Variants in FSTL4 observed in about 807,000 individuals in gnomAD.
FSTL4 encodes follistatin-related protein 4.
Under a neutral mutation model 78.2 loss-of-function variants are expected in FSTL4, and 28 were observed. The observed-to-expected ratio is 0.36, with a 90% confidence interval of 0.27 to 0.49. The LOEUF (loss-of-function observed/expected upper bound fraction) is 0.49, where lower values mean the gene tolerates loss of function less well. Ranked by LOEUF, FSTL4 falls within the 20% of genes least tolerant of loss-of-function variation. The pLI is 0.98. For synonymous variants in FSTL4, 422 were observed against 440.5 expected (o/e 0.96, Z 0.53); for missense variants, 922 against 1,084.9 (o/e 0.85, Z 2.11).
At chr5:133,473,915 C>T (rs1350466836) in intron 3 of FSTL4, among the ~76,000 whole-genome samples, 2 of 152,120 alleles carry the variant, frequency 1.3e-5, no homozygotes, top group African/African-American at 2.4e-5. Flanking sequence ...CATGGGGGAG[C>T]TGCCCCCATA....
At chr5:133,480,987 T>C (rs1001870480) in intron 3 of FSTL4, among the ~76,000 whole-genome samples, 1 of 152,072 alleles carries the variant, frequency 6.6e-6, no homozygotes, top group Non-Finnish European at 1.5e-5. Flanking sequence ...GGCCAGCCCA[T>C]GACATAGCAG....
the FSTL4 span, among the ~76,000 whole-genome samples, chr5:133,703,262 C>T: frequency 1.8e-4 from 28 of 152,322 alleles, no homozygotes; most frequent in Non-Finnish European, 2.9e-4. Context: ...ATTCCAATCT[C>T]GCTGTTAGCT....
chr5:133,821,273 T>G, the FSTL4 span, among the ~76,000 whole-genome samples: 1 of 152,228 alleles, frequency 6.6e-6, no homozygotes, highest in East Asian at 1.9e-4. Flanking sequence ...TTCCTTCTCA[T>G]CTGGTTCTTG....
intron 8 of FSTL4, among the ~76,000 whole-genome samples, 166 bp downstream of exon 8, chr5:133,233,251 G>A (rs545596454): frequency 6.6e-6 from 1 of 152,240 alleles, no homozygotes; most frequent in Non-Finnish European, 1.5e-5. Context: ...TTGGTCAACA[G>A]ACTTTGCCCT....
chr5:133,818,759 C>T, the FSTL4 span, among the ~76,000 whole-genome samples: 15 of 151,108 alleles, frequency 9.9e-5, no homozygotes, highest in Non-Finnish European at 2.1e-4. Context: ...CCTACACCTT[C>T]CCCTGCCTCA....
At chr5:133,484,929 T>C (rs1183813032) in intron 3 of FSTL4, among the ~76,000 whole-genome samples, 1 of 152,214 alleles carries the variant, frequency 6.6e-6, no homozygotes, top group African/African-American at 2.4e-5. Context: ...GTAACAGTTC[T>C]TATTATTGCT....
chr5:133,567,828 C>A (rs942804664), intron 2 of FSTL4, among the ~76,000 whole-genome samples: 1 of 152,112 alleles, frequency 6.6e-6, no homozygotes, highest in Non-Finnish European at 1.5e-5. Context: ...GCTTACTATG[C>A]GCAGGGCAAT....
At chr5:133,632,773 C>A in the FSTL4 span, among the ~76,000 whole-genome samples, 1 of 150,966 alleles carries the variant, frequency 6.6e-6, no homozygotes, top group East Asian at 1.9e-4. Context: ...GCAGTCTCAA[C>A]CTCCTGGGGC....
At chr5:133,530,064 T>C (rs1400551915) in intron 3 of FSTL4, among the ~76,000 whole-genome samples, 1 of 152,220 alleles carries the variant, frequency 6.6e-6, no homozygotes, top group Non-Finnish European at 1.5e-5. Flanking sequence ...TGCCTCCAAA[T>C]TCAGCTAAAA....
chr5:133,591,995 C>G (rs1055841455), intron 2 of FSTL4, among the ~76,000 whole-genome samples: 1 of 152,158 alleles, frequency 6.6e-6, no homozygotes, highest in Non-Finnish European at 1.5e-5. Context: ...ACCCAGATAC[C>G]CACCTTAACC....
chr5:133,475,710 C>T lies in FSTL4; in HGVS notation c.161-74724G>A, dbSNP rs528896646. On this transcript the variant is annotated intron_variant, in intron 3 of 15. Transcript: ENST00000265342. ...GATAAAGAATAAGTAATAGGCAAGT[C>T]GGAATTATCGGGTGGTGCTTCCATC... Among the ~76,000 whole-genome samples the T allele has an allele frequency of 5.9e-5, 9 of 152,308 alleles. No individual in the cohort carries two copies. In the South Asian group the frequency reaches 1.2e-3, roughly 21 times the overall value.
intron 3 of FSTL4, among the ~76,000 whole-genome samples, chr5:133,512,212 G>A (rs373729458): frequency 3.9e-5 from 6 of 152,308 alleles, no homozygotes; most frequent in East Asian, 1.9e-4. Context: ...GCGGCAGACC[G>A]TGCTTCTCAC....
intron 8 of FSTL4, among the ~76,000 whole-genome samples, chr5:133,227,216 A>G (rs1006519489): frequency 4.6e-5 from 7 of 152,200 alleles, no homozygotes; most frequent in Non-Finnish European, 1.0e-4. Context: ...TCCTTGCCTC[A>G]GTTTTTCTTT....
intron 3 of FSTL4, among the ~76,000 whole-genome samples, chr5:133,490,710 G>T (rs1758250433): frequency 6.6e-6 from 1 of 152,152 alleles, no homozygotes; most frequent in African/African-American, 2.4e-5. Context: ...ATTAATTTAT[G>T]ATTTTGGTGC....
intron 6 of FSTL4, among the ~76,000 whole-genome samples, chr5:133,291,375 G>A (rs1753259658): frequency 6.6e-6 from 1 of 152,168 alleles, no homozygotes; most frequent in Non-Finnish European, 1.5e-5. Context: ...TCTCAGACAG[G>A]CCCTCCATCT....
intron 3 of FSTL4, among the ~76,000 whole-genome samples, chr5:133,483,725 G>T (rs1345709909): frequency 6.6e-6 from 1 of 152,166 alleles, no homozygotes; most frequent in Non-Finnish European, 1.5e-5. Context: ...GACATCAGTA[G>T]GTCTCCAGGG....
chr5:133,764,110 TCTTTA>T, the FSTL4 span, among the ~76,000 whole-genome samples: 1 of 152,228 alleles, frequency 6.6e-6, no homozygotes, highest in African/African-American at 2.4e-5. Flanking sequence ...CCTCTTGCAG[TCTTTA>T]CTTTGCTTAT....
At chr5:133,823,707 G>A in the FSTL4 span, among the ~76,000 whole-genome samples, 23 of 152,170 alleles carry the variant, frequency 1.5e-4, no homozygotes, top group Non-Finnish European at 2.1e-4. Context: ...CCCCTCTCTT[G>A]TCTCAAGTCC....
At chr5:133,370,552 G>A (rs947145850) in intron 4 of FSTL4, among the ~76,000 whole-genome samples, 1 of 152,150 alleles carries the variant, frequency 6.6e-6, no homozygotes, top group African/African-American at 2.4e-5. Flanking sequence ...CGTGCTCAGG[G>A]TCCTGTGTGG....
Sources: gnomAD v4.1 joint callset for allele counts (sites outside exome capture counted in the v4.1 genomes callset) on GRCh38, gnomAD v4.1.1 for gene constraint, MANE v1.5 for transcripts, NCBI Gene and HGNC (gene_info 2026-07-23, HGNC 2026-07-21) for gene names.